Variants in CRYBG1 observed in about 807,000 individuals in gnomAD.
The protein encoded by CRYBG1 is beta/gamma crystallin domain-containing protein 1.
In CRYBG1, 139 loss-of-function variants were observed where a neutral mutation model predicts 189.2. The observed-to-expected ratio is 0.73, with a 90% CI of 0.64 to 0.85. The LOEUF is 0.85. Ranked by LOEUF, CRYBG1 falls within the 40% of genes least tolerant of loss-of-function variation. The pLI is 0.00. For synonymous variants in CRYBG1, 1,023 were observed against 1,017.1 expected, an observed-to-expected ratio of 1.01 and a Z score of -0.11; for missense variants, 2,611 against 2,675.8, an observed-to-expected ratio of 0.98 and a Z score of 0.53.
intron 8 of CRYBG1, 76 bp downstream of exon 8, chr6:106,530,391 T>C: frequency 7.4e-7 from 1 of 1,355,876 alleles, no homozygotes; most frequent in South Asian, 1.5e-5. Context: ...GGACTTAAGA[T>C]ACTCTGACTC....
intron 17 of CRYBG1, 148 bp downstream of exon 17, chr6:106,556,045 G>C: frequency 1.1e-6 from 1 of 899,120 alleles, no homozygotes; most frequent in Non-Finnish European, 1.7e-6. Flanking sequence ...TGTACATCTA[G>C]TTTATTGATT....
Position 106,525,166 on chromosome 6 carries a change from C to A in CRYBG1, c.4279C>A (p.Pro1427Thr), listed in dbSNP as rs373990804. Residue 1427 changes from proline (P) to threonine (T), a missense_variant, in exon 5 of 22, where the codon CCC (proline) becomes ACC (threonine). Pro to Thr is a conservative substitution (Grantham distance 38, BLOSUM62 -1). This residue lies in a region of CRYBG1 where 1,622 missense variants were observed against 1,735.0 expected (regional missense o/e 0.93). Coordinates refer to ENST00000633556, the MANE Select transcript of CRYBG1 (RefSeq NM_001371242.2). Reference protein sequence around the residue: ...LRGSVQNKLNPRPGKVVIYSE... With the variant: ...LRGSVQNKLNTRPGKVVIYSE... Reference sequence around the variant, plus strand: ...AGGAAGTGTCCAAAATAAACTCAATCCCCGACCTGGAAAGGTAAGATTATT... The same window carrying A: ...AGGAAGTGTCCAAAATAAACTCAATACCCGACCTGGAAAGGTAAGATTATT... 20 of 1,614,110 alleles carry A rather than the reference C, an allele frequency of 1.2e-5. No homozygotes were observed. In the East Asian group the frequency reaches 4.0e-4, roughly 32 times the overall value.
intron 1 of CRYBG1, among the ~76,000 whole-genome samples, chr6:106,379,847 T>C (rs999506810): frequency 6.6e-6 from 1 of 152,200 alleles, no homozygotes; most frequent in African/African-American, 2.4e-5. Flanking sequence ...CCCAACATGC[T>C]GGGATTACAG....
At chr6:106,411,875 C>G (rs922153528) in intron 1 of CRYBG1, among the ~76,000 whole-genome samples, 1 of 152,180 alleles carries the variant, frequency 6.6e-6, no homozygotes, top group African/African-American at 2.4e-5. Flanking sequence ...GGAGAGGAAG[C>G]AGGCATCTGG....
intron 1 of CRYBG1, among the ~76,000 whole-genome samples, chr6:106,372,398 C>T (rs146007378): frequency 3.9e-5 from 6 of 152,154 alleles, no homozygotes; most frequent in South Asian, 2.1e-4. Context: ...ACTACAGGTA[C>T]GTGCCATCAC....
intron 17 of CRYBG1, among the ~76,000 whole-genome samples, chr6:106,556,389 T>C (rs982612447): frequency 1.3e-5 from 2 of 152,258 alleles, no homozygotes; most frequent in Admixed American, 1.3e-4. Flanking sequence ...GCATTTTCTA[T>C]TCAAGGAATT....
At chr6:106,439,035 A>C (rs1653369482) in intron 1 of CRYBG1, among the ~76,000 whole-genome samples, 1 of 136,074 alleles carries the variant, frequency 7.3e-6, no homozygotes, top group African/African-American at 2.8e-5. Context: ...CCTGGTATCA[A>C]TTTACTTAAA....
intron 1 of CRYBG1, among the ~76,000 whole-genome samples, chr6:106,379,666 C>T (rs1270704081): frequency 6.6e-6 from 1 of 152,098 alleles, no homozygotes; most frequent in East Asian, 1.9e-4. Flanking sequence ...TCAAGCAATC[C>T]TCCCGCCTTA....
At position 106,553,368 on chromosome 6, in the gene CRYBG1, G is replaced by A. The variant is rs1582835459; in HGVS notation, c.5473-87G>A. On this transcript the variant is annotated intron_variant, in intron 15 of 21. Coordinates refer to ENST00000633556, the MANE Select transcript of CRYBG1 (RefSeq NM_001371242.2). ...AGTTTACTGTAACAAAAGTCAGCAG[G>A]TCATGTTTAGGTCATCATTTCAAAG... 5 of 824,578 alleles carry A rather than the reference G, an allele frequency of 6.1e-6. No individual in the cohort carries two copies. The East Asian group carries it at 1.3e-4, about 22-fold the overall frequency. 51.1% of individuals were successfully genotyped at this position (824,578 alleles called of 1,614,324 possible). A position where few individuals can be genotyped will look rare whatever the true frequency, so the allele number is the denominator to read the frequency against.
intron 1 of CRYBG1, among the ~76,000 whole-genome samples, chr6:106,373,095 T>A (rs896632475): frequency 6.6e-6 from 1 of 152,160 alleles, no homozygotes; most frequent in African/African-American, 2.4e-5. Context: ...CTCAGAGCTG[T>A]CTCCCTGAGC....
chr6:106,452,582 A>G (rs1194454450), intron 2 of CRYBG1, among the ~76,000 whole-genome samples: 1 of 152,194 alleles, frequency 6.6e-6, no homozygotes, highest in Non-Finnish European at 1.5e-5. Context: ...TATGATGTCA[A>G]TATTTGGAAT....
intron 1 of CRYBG1, among the ~76,000 whole-genome samples, chr6:106,396,597 A>G (rs1409923898): frequency 6.6e-6 from 1 of 152,222 alleles, no homozygotes; most frequent in Non-Finnish European, 1.5e-5. Context: ...GTCAAGTTTA[A>G]TGGTTTTGCT....
chr6:106,521,441 A>C lies in CRYBG1; in HGVS notation c.4233A>C (p.Leu1411Phe). 6.3e-7 allele frequency: 1 copy of C among 1,579,888 alleles called. No individual in the cohort carries two copies. Among genetic ancestry groups the C allele is most frequent in the Non-Finnish European group, 8.6e-7 (1 of 1,166,294 alleles). ...DPSISFSGMS[L>F]SDTMTLRGSV... ...GCATTTCTTTTTCTGGAATGTCATT[A>C]TCAGACACAATGGTAAGTAGCAATG... The change falls in exon 4 of 22, where the codon TTA becomes TTC. Residue 1411 changes from leucine to phenylalanine, a missense_variant. Physicochemically the swap from Leu to Phe is conservative, Grantham distance 22 (BLOSUM62 0). Transcript: ENST00000633556.
At chr6:106,378,327 CT>C (rs1770213362) in intron 1 of CRYBG1, among the ~76,000 whole-genome samples, 1 of 152,198 alleles carries the variant, frequency 6.6e-6, no homozygotes, top group Non-Finnish European at 1.5e-5. Context: ...TGTTCTGAAG[CT>C]GGTACGGGGC....
At chr6:106,386,858 C>T (rs536382743) in intron 1 of CRYBG1, among the ~76,000 whole-genome samples, 51 of 152,250 alleles carry the variant, frequency 3.3e-4, no homozygotes, top group African/African-American at 1.2e-3. Flanking sequence ...GGACCACTAT[C>T]CGTCCATGGC....
chr6:106,361,164 C>T, intron 1 of CRYBG1, 83 bp downstream of exon 1: 1 of 1,423,130 alleles, frequency 7.0e-7, no homozygotes, highest in Non-Finnish European at 9.3e-7. Flanking sequence ...ACTCCTGACC[C>T]CACTTGGAGG....
chr6:106,516,650 A>G (rs574559550), intron 3 of CRYBG1, among the ~76,000 whole-genome samples: 3 of 152,276 alleles, frequency 2.0e-5, no homozygotes, highest in African/African-American at 7.2e-5. Flanking sequence ...TATGTTATGG[A>G]TCTCATGATA....
chr6:106,452,782 C>T (rs142760329), intron 2 of CRYBG1, among the ~76,000 whole-genome samples: 221 of 152,266 alleles, frequency 1.5e-3, no homozygotes, highest in African/African-American at 5.0e-3. Flanking sequence ...AACTGCATTC[C>T]TTCACTTGTA....
chr6:106,419,395 GT>G (rs1377970129), intron 1 of CRYBG1, among the ~76,000 whole-genome samples: 2 of 152,130 alleles, frequency 1.3e-5, no homozygotes, highest in African/African-American at 4.8e-5. Flanking sequence ...TTGCTTGTTG[GT>G]TTTTGAGACA....
Sources: gnomAD v4.1 joint callset for allele counts (sites outside exome capture counted in the v4.1 genomes callset) on GRCh38, gnomAD v4.1.1 for gene constraint, gnomAD v4.1.1 regional missense constraint, MANE v1.5 for transcripts, NCBI Gene and HGNC (gene_info 2026-07-23, HGNC 2026-07-21) for gene names.